CTSC: variants seen among roughly 807,000 people sequenced by gnomAD.
CTSC encodes the protein cathepsin C.
In CTSC, 37 loss-of-function variants were observed where a neutral mutation model predicts 40.9. The observed-to-expected ratio is 0.91, with a 90% CI of 0.70 to 1.19. CTSC has a LOEUF of 1.19. Ranked by LOEUF, CTSC falls within the 50% of genes most tolerant of loss-of-function variation. The pLI, the probability that CTSC is intolerant of heterozygous loss-of-function variation, is 0.00. For synonymous variants in CTSC, 232 were observed against 207.4 expected (o/e 1.12, Z -1.02); for missense variants, 594 against 567.3 (o/e 1.05, Z -0.48).
chr11:88,326,184 G>A (rs1938179372), intron 2 of CTSC: 1 of 1,382,964 alleles, frequency 7.2e-7, no homozygotes, highest in South Asian at 1.9e-5. Flanking sequence ...TGTAGTCTCT[G>A]GTTGTTCACA....
At chr11:88,325,112 G>C in intron 2 of CTSC, 1 of 985,334 alleles carries the variant, frequency 1.0e-6, no homozygotes, top group Non-Finnish European at 1.2e-6. Flanking sequence ...TAAACCAACA[G>C]AGCAGGAAAC....
In CTSC at chr11:88,293,882, A is replaced by T; in HGVS notation, c.*124T>A. 1 of 1,216,182 alleles carries T rather than the reference A, an allele frequency of 8.2e-7. No individual in the cohort carries two copies. The highest frequency in any genetic ancestry group is 1.2e-6 in the Non-Finnish European group (1 of 837,916). The allele number at this position is 1,216,182 out of a possible 1,614,324, so 75.3% of individuals were successfully genotyped here. ...TAAGGGCAGTTTTAATTCTGAAGAC[A>T]AATATCTTCATGGAAATCTATTTGT... On this transcript the variant is annotated 3_prime_UTR_variant, in exon 7 of 7. Coordinates refer to ENST00000227266, the MANE Select transcript of CTSC (RefSeq NM_001814.6).
intron 2 of CTSC, chr11:88,326,395 C>A (rs777326116): frequency 1.9e-6 from 3 of 1,614,012 alleles, no homozygotes; most frequent in Non-Finnish European, 2.5e-6. Flanking sequence ...AACGTCTGTT[C>A]ATGGCTGTGG....
At chr11:88,296,600 A>G in intron 5 of CTSC, 1 of 351,942 alleles carries the variant, frequency 2.8e-6, no homozygotes, top group Non-Finnish European at 5.5e-6. Context: ...GTTCAAAGCC[A>G]TCAGGTTGGG....
At chr11:88,319,248 G>A (rs775107778) in intron 2 of CTSC, among the ~76,000 whole-genome samples, 10 of 152,068 alleles carry the variant, frequency 6.6e-5, no homozygotes, top group Non-Finnish European at 1.5e-4. Context: ...ACCCTATTCT[G>A]ACTTCTGTCA....
intron 5 of CTSC, chr11:88,297,394 T>A (rs1466484108): frequency 6.6e-6 from 1 of 152,196 alleles, no homozygotes; most frequent in Non-Finnish European, 1.5e-5. Flanking sequence ...GGATACTTTT[T>A]TTTTCCTCCT....
At chr11:88,324,321 T>C (rs780885282) in intron 2 of CTSC, 14 of 932,960 alleles carry the variant, frequency 1.5e-5, no homozygotes, top group East Asian at 1.2e-4. Context: ...AATCTAGGAA[T>C]GCCATTGAAT....
intron 2 of CTSC, among the ~76,000 whole-genome samples, chr11:88,316,269 G>A (rs1430018368): frequency 1.3e-5 from 2 of 152,230 alleles, no homozygotes; most frequent in South Asian, 2.1e-4. Flanking sequence ...GTGTGATCCT[G>A]AGCAAGTCAC....
At position 88,326,230 on chromosome 11, in the gene CTSC, T is replaced by C. The variant is rs367982712; in HGVS notation, c.318+8707A>G. On this transcript the variant is annotated intron_variant, in intron 2 of 6. Transcript: ENST00000227266. ...ATGTTTACTGTTTTCCAAGGGAGTG[T>C]TCAGGAGGGCAGCTGCCTTGGAGGT... is the stretch of plus-strand genomic sequence containing the variant. The C allele has an allele frequency of 6.1e-6, 9 of 1,472,196 alleles. No homozygotes were observed. The African/African-American group carries it at 9.8e-5, about 16-fold the overall frequency. The allele number at this position is 1,472,196 out of a possible 1,614,324, so 91.2% of individuals were successfully genotyped here. A position where few individuals can be genotyped will look rare whatever the true frequency, so the allele number is the denominator to read the frequency against.
intron 2 of CTSC, among the ~76,000 whole-genome samples, chr11:88,329,433 G>C (rs1286017759): frequency 2.4e-5 from 3 of 123,892 alleles, no homozygotes; most frequent in African/African-American, 9.2e-5. Context: ...GAGGGCCTGG[G>C]AGACAGAGCT....
chr11:88,295,165 A>G (rs374026675), intron 6 of CTSC, among the ~76,000 whole-genome samples: 2 of 152,336 alleles, frequency 1.3e-5, no homozygotes. Context: ...CCTATAGCCT[A>G]CAAGTCACAA....
rs754779432 is a variant in CTSC, at chr11:88,312,555, C to A, written c.319-1G>T. Reference sequence around the variant, plus strand: ...TCACCTTGCTGCCCTCTTCTTTATACTGCAAACAAATAAGAGAAAAGAAAA... The same window carrying A: ...TCACCTTGCTGCCCTCTTCTTTATAATGCAAACAAATAAGAGAAAAGAAAA... On this transcript the variant is annotated splice_acceptor_variant, in intron 2 of 6. Transcript: ENST00000227266. LOFTEE classifies it high-confidence loss of function. 1 of 1,614,082 alleles carries A rather than the reference C, an allele frequency of 6.2e-7. No homozygotes were observed. Among genetic ancestry groups the A allele is most frequent in the South Asian group, 1.1e-5 (1 of 91,084 alleles).
chr11:88,328,269 ATAGT>A (rs1411854357), intron 2 of CTSC: 10 of 1,071,214 alleles, frequency 9.3e-6, no homozygotes, highest in Non-Finnish European at 1.4e-5. Flanking sequence ...AAGACATAAA[ATAGT>A]TAGGCAGGCA....
chr11:88,308,505 A>G (rs1380816113), intron 4 of CTSC, among the ~76,000 whole-genome samples: 1 of 151,268 alleles, frequency 6.6e-6, no homozygotes, highest in Admixed American at 6.6e-5. Flanking sequence ...ATCTTACCTT[A>G]TCTTATTTTA....
intron 2 of CTSC, among the ~76,000 whole-genome samples, chr11:88,316,475 C>CTAAATAAA (rs4002985): frequency 0.029 from 4,183 of 145,076 alleles, 101 homozygotes; most frequent in African/African-American, 0.063. Context: ...GATCCATTCT[C>CTAAATAAA]TAAATAAATA....
chr11:88,325,127 C>T, intron 2 of CTSC: 1 of 985,242 alleles, frequency 1.0e-6, no homozygotes. Flanking sequence ...GGAAACAAGA[C>T]CATTATTCGG....
At chr11:88,337,390 C>G (rs1007599196) in intron 1 of CTSC, 111 bp downstream of exon 1, 3 of 1,139,120 alleles carry the variant, frequency 2.6e-6, no homozygotes, top group African/African-American at 3.1e-5. Flanking sequence ...TCAAGATGCT[C>G]TGGCCACCCA....
intron 2 of CTSC, among the ~76,000 whole-genome samples, chr11:88,314,573 G>A (rs975338072): frequency 3.8e-4 from 58 of 152,082 alleles, no homozygotes; most frequent in African/African-American, 1.4e-3. Flanking sequence ...TGTTGCCCAG[G>A]CTGGAGTACA....
intron 2 of CTSC, among the ~76,000 whole-genome samples, chr11:88,329,691 C>G (rs903602719): frequency 6.6e-5 from 10 of 151,980 alleles, no homozygotes; most frequent in African/African-American, 2.4e-4. Flanking sequence ...AGCATTTTCA[C>G]AGTATTCTGT....
Sources: gnomAD v4.1 joint callset for allele counts (sites outside exome capture counted in the v4.1 genomes callset) on GRCh38, gnomAD v4.1.1 for gene constraint, MANE v1.5 for transcripts, NCBI Gene and HGNC (gene_info 2026-07-23, HGNC 2026-07-21) for gene names.